Variants in PACRG observed in about 807,000 individuals in gnomAD.
PACRG encodes the protein parkin coregulated gene protein.
A neutral mutation model predicts 29.7 loss-of-function variants in PACRG; 29 were observed. The observed-to-expected ratio is 0.98, with a 90% CI of 0.73 to 1.33. The LOEUF is 1.33. PACRG is among the 40% of genes most tolerant of loss of function. The probability of loss-of-function intolerance (pLI) is 0.00; values close to 1 mark genes in which losing one functional copy is unlikely to be tolerated. For missense variants in PACRG, 279 were observed against 316.2 expected, an observed-to-expected ratio of 0.88 and a Z score of 0.89; for synonymous variants, 116 against 118.7, an observed-to-expected ratio of 0.98 and a Z score of 0.15.
intron 4 of PACRG, among the ~76,000 whole-genome samples, chr6:163,122,885 C>T (rs573441323): frequency 4.6e-5 from 7 of 152,278 alleles, no homozygotes; most frequent in Admixed American, 3.3e-4. Context: ...TTTCCTTTTG[C>T]GTGTCTGTGT....
chr6:163,175,553 G>A (rs942996484), intron 4 of PACRG, among the ~76,000 whole-genome samples: 7 of 152,102 alleles, frequency 4.6e-5, no homozygotes, highest in African/African-American at 1.7e-4. Flanking sequence ...TGGTATCCCC[G>A]GGGTTGTGTA....
At chr6:162,844,408 AC>A (rs754683886) in intron 2 of PACRG, among the ~76,000 whole-genome samples, 5 of 152,120 alleles carry the variant, frequency 3.3e-5, no homozygotes, top group Non-Finnish European at 5.9e-5. Flanking sequence ...GAACTCCCTG[AC>A]CCCTTGCGCT....
chr6:162,987,239 C>G (rs1005406701), intron 2 of PACRG, among the ~76,000 whole-genome samples: 2 of 152,104 alleles, frequency 1.3e-5, no homozygotes, highest in African/African-American at 4.8e-5. Flanking sequence ...CCCACTTCCC[C>G]TAAGGTTGAG....
intron 3 of PACRG, among the ~76,000 whole-genome samples, chr6:163,073,510 A>G (rs1812265837): frequency 6.6e-6 from 1 of 152,246 alleles, no homozygotes; most frequent in Non-Finnish European, 1.5e-5. Flanking sequence ...AATCTCCAGG[A>G]CATTGGTCTG....
At chr6:163,271,164 G>A (rs1251266055) in intron 4 of PACRG, among the ~76,000 whole-genome samples, 1 of 152,130 alleles carries the variant, frequency 6.6e-6, no homozygotes, top group East Asian at 1.9e-4. Context: ...ACGGGAGAAA[G>A]ATGAAGGCCA....
intron 4 of PACRG, among the ~76,000 whole-genome samples, chr6:163,205,681 A>G (rs1780874125): frequency 6.6e-6 from 1 of 152,116 alleles, no homozygotes; most frequent in East Asian, 1.9e-4. Flanking sequence ...ACACCAAAAG[A>G]TGTTGCAACA....
intron 2 of PACRG, among the ~76,000 whole-genome samples, chr6:162,859,743 A>G (rs1393906147): frequency 6.6e-6 from 1 of 152,220 alleles, no homozygotes; most frequent in South Asian, 2.1e-4. Context: ...CCCTCAGTTT[A>G]GTACATTAGG....
chr6:163,111,388 T>C (rs545252658), intron 4 of PACRG, among the ~76,000 whole-genome samples: 90 of 152,336 alleles, frequency 5.9e-4, no homozygotes, highest in African/African-American at 2.1e-3. Flanking sequence ...AAATGCAAGG[T>C]AAGTACAGGG....
At chr6:163,181,047 G>C (rs984556436) in intron 4 of PACRG, among the ~76,000 whole-genome samples, 4 of 152,142 alleles carry the variant, frequency 2.6e-5, no homozygotes, top group Non-Finnish European at 4.4e-5. Context: ...AACTCTTCAG[G>C]TTAACAGCCT....
chr6:163,263,797 T>A (rs887532864), intron 4 of PACRG, among the ~76,000 whole-genome samples: 1 of 152,166 alleles, frequency 6.6e-6, no homozygotes, highest in Non-Finnish European at 1.5e-5. Context: ...TTCAAATGGA[T>A]TTACATATTT....
chr6:162,956,571 G>A (rs1176276746), intron 2 of PACRG, among the ~76,000 whole-genome samples: 2 of 152,170 alleles, frequency 1.3e-5, no homozygotes, highest in East Asian at 1.9e-4. Flanking sequence ...TGGCAGGGCC[G>A]TGCTCCCTCT....
chr6:163,180,175 G>A (rs1779586404), intron 4 of PACRG, among the ~76,000 whole-genome samples: 1 of 152,232 alleles, frequency 6.6e-6, no homozygotes, highest in African/African-American at 2.4e-5. Context: ...TTAAGAGACT[G>A]AGCTTTGTGC....
chr6:162,906,287 GT>G (rs751010424), intron 2 of PACRG, among the ~76,000 whole-genome samples: 1 of 152,154 alleles, frequency 6.6e-6, no homozygotes, highest in Non-Finnish European at 1.5e-5. Context: ...TCTCCTTTAA[GT>G]CAATCCTCTT....
intron 2 of PACRG, among the ~76,000 whole-genome samples, chr6:163,009,049 G>A (rs1805384006): frequency 6.6e-6 from 1 of 152,058 alleles, no homozygotes; most frequent in Non-Finnish European, 1.5e-5. Flanking sequence ...TTTTTGTTTA[G>A]GTACTGGGCA....
At chr6:162,837,783 G>C (rs34465643) in intron 2 of PACRG, among the ~76,000 whole-genome samples, 11,708 of 152,118 alleles carry the variant, frequency 0.077, 725 homozygotes, top group South Asian at 0.23. Context: ...TTAAAAACTA[G>C]AGGGGCCTCA....
intron 1 of PACRG, among the ~76,000 whole-genome samples, chr6:162,788,615 G>T (rs1355323771): frequency 6.6e-6 from 1 of 152,176 alleles, no homozygotes; most frequent in African/African-American, 2.4e-5. Flanking sequence ...GGCACCATTT[G>T]TCATTCTTAC....
intron 1 of PACRG, among the ~76,000 whole-genome samples, chr6:162,736,370 T>C (rs573575638): frequency 6.6e-6 from 1 of 152,330 alleles, no homozygotes; most frequent in South Asian, 2.1e-4. Context: ...GAATTTACAG[T>C]GCTCACAGAA....
At chr6:163,118,512 A>G (rs1816120644) in intron 4 of PACRG, among the ~76,000 whole-genome samples, 1 of 152,202 alleles carries the variant, frequency 6.6e-6, no homozygotes, top group Non-Finnish European at 1.5e-5. Context: ...TTATTTATAG[A>G]TCCCCGTTTC....
chr6:162,966,852 A>G (rs1051636638), intron 2 of PACRG, among the ~76,000 whole-genome samples: 3 of 152,168 alleles, frequency 2.0e-5, no homozygotes, highest in African/African-American at 2.4e-5. Flanking sequence ...TTAGTAAGAA[A>G]ACTGGTAAGC....
Sources: gnomAD v4.1 joint callset for allele counts (sites outside exome capture counted in the v4.1 genomes callset) on GRCh38, gnomAD v4.1.1 for gene constraint, MANE v1.5 for transcripts, NCBI Gene and HGNC (gene_info 2026-07-23, HGNC 2026-07-21) for gene names.